MSI2: variants seen among roughly 807,000 people sequenced by gnomAD.
MSI2 encodes the protein musashi RNA binding protein 2, also known as RNA-binding protein Musashi homolog 2.
In MSI2, 17 loss-of-function variants were observed where a neutral mutation model predicts 45.6. The ratio of observed to expected loss-of-function variants is 0.37; its 90% CI spans 0.26 to 0.56. The LOEUF is 0.56. MSI2 is among the 20% of genes least tolerant of loss of function. The pLI is 0.77. For missense variants in MSI2, 293 were observed against 444.2 expected (o/e 0.66, Z 3.06); for synonymous variants, 156 against 158.2 (o/e 0.99, Z 0.11).
chr17:57,687,057 A>G (rs1470646092), downstream of MSI2, among the ~76,000 whole-genome samples: 1 of 151,634 alleles, frequency 6.6e-6, no homozygotes, highest in African/African-American at 2.4e-5. Flanking sequence ...GGCTATAAAT[A>G]TTATAACTGT....
intron 6 of MSI2, among the ~76,000 whole-genome samples, chr17:57,447,731 A>G (rs1319391074): frequency 6.6e-6 from 1 of 152,036 alleles, no homozygotes; most frequent in African/African-American, 2.4e-5. Flanking sequence ...GTTCTATGCC[A>G]TTGTCACTCT....
At chr17:57,568,156 G>T (rs2087783035) in intron 7 of MSI2, among the ~76,000 whole-genome samples, 1 of 152,178 alleles carries the variant, frequency 6.6e-6, no homozygotes, top group South Asian at 2.1e-4. Context: ...TCTCCGAGAG[G>T]GGACGTGAGG....
At chr17:57,574,895 A>G (rs2087980148) in intron 7 of MSI2, among the ~76,000 whole-genome samples, 1 of 142,820 alleles carries the variant, frequency 7.0e-6, no homozygotes. Context: ...CAGTGGCACG[A>G]TCTCAGCTCA....
intron 7 of MSI2, among the ~76,000 whole-genome samples, chr17:57,554,580 C>T (rs921635479): frequency 3.9e-5 from 6 of 152,168 alleles, no homozygotes; most frequent in Admixed American, 1.3e-4. Flanking sequence ...GCCTTCTATC[C>T]GGGATGATGT....
Position 57,442,628 on chromosome 17 carries a change from C to T in MSI2, c.405+41157C>T, listed in dbSNP as rs138123143. Among the ~76,000 whole-genome samples the T allele has an allele frequency of 7.1e-4, 108 of 152,264 alleles. 1 individual carries two copies. Among genetic ancestry groups the T allele is most frequent in the African/African-American group, 2.4e-3 (101 of 41,538 alleles). ...TCTTCTGGGAAAAAACCCACAACCC[C>T]AGGTTCTGTTGCCCAAGATGAGACT... On this transcript the variant is annotated intron_variant, in intron 6 of 13. Transcript: ENST00000284073.
At chr17:57,399,804 G>A (rs1290505257) in intron 5 of MSI2, among the ~76,000 whole-genome samples, 2 of 152,216 alleles carry the variant, frequency 1.3e-5, no homozygotes, top group Admixed American at 1.3e-4. Context: ...ATACCTAGGA[G>A]GAAGTGAGTC....
chr17:57,604,312 G>A (rs117104479), intron 8 of MSI2, among the ~76,000 whole-genome samples: 1,779 of 152,312 alleles, frequency 0.012, 16 homozygotes, highest in Middle Eastern at 0.027. Flanking sequence ...CACCACTGTC[G>A]TCATTGTCAT....
intron 6 of MSI2, among the ~76,000 whole-genome samples, chr17:57,463,378 G>A (rs914274504): frequency 6.6e-6 from 1 of 152,100 alleles, no homozygotes; most frequent in Non-Finnish European, 1.5e-5. Context: ...AAAACCTAGA[G>A]ACTTCTCAGA....
Position 57,584,553 on chromosome 17 carries a change from ATAATAAAAG to A in MSI2, c.455-12313_455-12305del, listed in dbSNP as rs373589243. Reference sequence around the variant, plus strand: ...TGGGACTGGTCTGAAACCATACCTCATAATAAAAGTCATATAATTTGTGGCAGCGCTGAA... The same window carrying A: ...TGGGACTGGTCTGAAACCATACCTCATCATATAATTTGTGGCAGCGCTGAA... On this transcript the variant is annotated intron_variant, in intron 7 of 13. Transcript: ENST00000284073. 4.3e-3 allele frequency among the ~76,000 whole-genome samples: 653 copies of A among 152,282 alleles called. 1 individual carries two copies. The highest frequency in any genetic ancestry group is 0.01 in the Middle Eastern group (3 of 294).
chr17:57,511,844 A>G (rs992763906), intron 6 of MSI2, among the ~76,000 whole-genome samples: 1 of 152,152 alleles, frequency 6.6e-6, no homozygotes, highest in African/African-American at 2.4e-5. Flanking sequence ...AGGCCCAGCC[A>G]TTCCGCAGCT....
At chr17:57,442,309 A>G (rs1224543028) in intron 6 of MSI2, among the ~76,000 whole-genome samples, 1 of 152,204 alleles carries the variant, frequency 6.6e-6, no homozygotes, top group African/African-American at 2.4e-5. Flanking sequence ...TGCTGGGATT[A>G]CAGGCGTGAG....
intron 7 of MSI2, among the ~76,000 whole-genome samples, chr17:57,590,009 C>A (rs1479101909): frequency 6.6e-6 from 1 of 152,220 alleles, no homozygotes; most frequent in East Asian, 1.9e-4. Flanking sequence ...ATATTGCTTT[C>A]CCCAAATACT....
intron 6 of MSI2, among the ~76,000 whole-genome samples, chr17:57,469,579 G>C (rs1567842665): frequency 6.6e-6 from 1 of 152,172 alleles, no homozygotes; most frequent in Non-Finnish European, 1.5e-5. Flanking sequence ...CTTACCCAGG[G>C]GTCACCTTTT....
At chr17:57,479,545 AT>A (rs1270344140) in intron 6 of MSI2, among the ~76,000 whole-genome samples, 2 of 152,180 alleles carry the variant, frequency 1.3e-5, no homozygotes, top group African/African-American at 4.8e-5. Flanking sequence ...ATTATATTTA[AT>A]TATGGGAAAT....
chr17:57,367,856 C>A (rs1917313115), intron 5 of MSI2, among the ~76,000 whole-genome samples: 1 of 152,180 alleles, frequency 6.6e-6, no homozygotes, highest in South Asian at 2.1e-4. Flanking sequence ...ATCCCTCTTA[C>A]AGCTGTGTGG....
intron 5 of MSI2, chr17:57,364,930 ACTTT>A (rs1461069799): frequency 6.6e-6 from 1 of 151,158 alleles, no homozygotes; most frequent in Non-Finnish European, 1.5e-5. Flanking sequence ...AGCATTGCTG[ACTTT>A]CTTCCTCCAT....
chr17:57,644,282 T>A (rs1910485214), intron 10 of MSI2, among the ~76,000 whole-genome samples: 1 of 149,054 alleles, frequency 6.7e-6, no homozygotes, highest in South Asian at 2.2e-4. Context: ...AGTCTGATCA[T>A]GTAAGTGTGT....
intron 11 of MSI2, among the ~76,000 whole-genome samples, chr17:57,664,296 T>C (rs1425338821): frequency 6.6e-6 from 1 of 152,144 alleles, no homozygotes; most frequent in African/African-American, 2.4e-5. Flanking sequence ...AGGCGGCTGA[T>C]CACTTGAGGC....
intron 6 of MSI2, among the ~76,000 whole-genome samples, chr17:57,527,974 G>A (rs1158867147): frequency 1.3e-5 from 2 of 152,186 alleles, no homozygotes; most frequent in Non-Finnish European, 2.9e-5. Context: ...TTCTCAAAGG[G>A]ATTAGCGCCA....
Sources: gnomAD v4.1 joint callset for allele counts (sites outside exome capture counted in the v4.1 genomes callset) on GRCh38, gnomAD v4.1.1 for gene constraint, MANE v1.5 for transcripts, NCBI Gene and HGNC (gene_info 2026-07-23, HGNC 2026-07-21) for gene names.